UTRN: variants seen among roughly 807,000 people sequenced by gnomAD.
UTRN encodes utrophin.
UTRN carries 283 observed loss-of-function variants against 463.9 expected under a neutral mutation model. That is an observed-to-expected ratio of 0.61 (90% confidence interval 0.55 to 0.67). UTRN has a LOEUF of 0.67. Ranked by LOEUF, UTRN falls within the 30% of genes least tolerant of loss-of-function variation. The probability of loss-of-function intolerance (pLI) is 0.00; values close to 1 mark genes in which losing one functional copy is unlikely to be tolerated. For missense variants in UTRN, 3,922 were observed against 4,084.3 expected (o/e 0.96, Z 1.08); for synonymous variants, 1,442 against 1,431.5 (o/e 1.01, Z -0.17).
At chr6:144,826,059 A>G (rs80255180) in intron 66 of UTRN, among the ~76,000 whole-genome samples, 5,287 of 150,646 alleles carry the variant, frequency 0.035, 141 homozygotes, top group South Asian at 0.076. Flanking sequence ...ATGATGAGTT[A>G]ATGGGTGCAG....
intron 9 of UTRN, among the ~76,000 whole-genome samples, chr6:144,433,472 G>A (rs528523395): frequency 7.3e-4 from 111 of 151,592 alleles, no homozygotes; most frequent in East Asian, 2.4e-3. Flanking sequence ...CAGACGGGGC[G>A]GTTGCCAGGC....
At chr6:144,643,687 C>T (rs1230750259) in intron 51 of UTRN, among the ~76,000 whole-genome samples, 2 of 151,706 alleles carry the variant, frequency 1.3e-5, no homozygotes, top group Admixed American at 1.3e-4. Context: ...ATCCCAGCTA[C>T]TTGAGAGGCT....
At chr6:144,466,271 G>T (rs1789953736) in intron 23 of UTRN, among the ~76,000 whole-genome samples, 1 of 152,222 alleles carries the variant, frequency 6.6e-6, no homozygotes, top group South Asian at 2.1e-4. Context: ...TCATGGCCAT[G>T]TGCTTGCTTT....
rs200552592 is a variant in UTRN, at chr6:144,836,352, G to A, written c.9876G>A (p.Gly3292=). ...EQLKDQHLRR[G]LPVGSPPESI... ...TGAAGGACCAGCACCTCCGAAGGGG[G>A]CTCCCTGTCGGTTCACCGCCAGAGT... is the stretch of plus-strand genomic sequence containing the variant. The change falls in exon 71 of 75, where the codon GGG becomes GGA. Residue 3292 remains glycine, a synonymous_variant. Coordinates refer to ENST00000367545, the MANE Select transcript of UTRN (RefSeq NM_007124.3). The A allele has an allele frequency of 4.3e-6, 7 of 1,613,972 alleles. No individual in the cohort carries two copies. The highest frequency in any genetic ancestry group is 2.7e-5 in the African/African-American group (2 of 74,912).
chr6:144,544,073 G>A (rs1562551303), intron 46 of UTRN, among the ~76,000 whole-genome samples: 1 of 152,134 alleles, frequency 6.6e-6, no homozygotes, highest in Non-Finnish European at 1.5e-5. Flanking sequence ...TATGGTAAAG[G>A]AGCAGGGAAA....
At chr6:144,564,193 A>T (rs796904862) in intron 50 of UTRN, among the ~76,000 whole-genome samples, 3 of 152,296 alleles carry the variant, frequency 2.0e-5, no homozygotes, top group African/African-American at 7.2e-5. Context: ...AAAATAATAC[A>T]TAATTATAGG....
At chr6:144,799,352 C>G (rs1416121643) in intron 64 of UTRN, 1 of 443,430 alleles carries the variant, frequency 2.3e-6, no homozygotes, top group South Asian at 1.7e-5. Flanking sequence ...GCTATGCATT[C>G]TAAGAGGAGG....
intron 24 of UTRN, 65 bp from the exon 25 acceptor site, chr6:144,474,539 C>A (rs908214775): frequency 6.7e-7 from 1 of 1,482,518 alleles, no homozygotes; most frequent in Admixed American, 2.1e-5. Flanking sequence ...GATAAGCAGA[C>A]AAACTATAAT....
chr6:144,340,846 C>T (rs1284067075), intron 2 of UTRN, among the ~76,000 whole-genome samples: 3 of 152,230 alleles, frequency 2.0e-5, no homozygotes, highest in Non-Finnish European at 2.9e-5. Context: ...AAGCGCCCCC[C>T]TATTGATCTT....
At chr6:144,770,533 T>C (rs1219365412) in intron 58 of UTRN, among the ~76,000 whole-genome samples, 1 of 152,208 alleles carries the variant, frequency 6.6e-6, no homozygotes, top group Non-Finnish European at 1.5e-5. Context: ...TTAAATGTTA[T>C]GAATCTACCC....
intron 52 of UTRN, among the ~76,000 whole-genome samples, chr6:144,697,746 A>G (rs941623973): frequency 7.9e-5 from 12 of 152,162 alleles, no homozygotes; most frequent in African/African-American, 2.7e-4. Context: ...TCATCCTCAT[A>G]ATTAATAGAT....
chr6:144,294,783 T>TG (rs113649168), intron 2 of UTRN, among the ~76,000 whole-genome samples: 39,514 of 152,128 alleles, frequency 0.26, 6,922 homozygotes, highest in African/African-American at 0.5. Context: ...TCATGCCATT[T>TG]TGAATATTAT....
chr6:144,626,459 C>T (rs192004324), intron 51 of UTRN, among the ~76,000 whole-genome samples: 49 of 152,308 alleles, frequency 3.2e-4, no homozygotes, highest in East Asian at 7.7e-4. Flanking sequence ...CTTTCCTCCC[C>T]GCCTTTCTGC....
chr6:144,592,577 G>A (rs932546740), intron 51 of UTRN, among the ~76,000 whole-genome samples: 1 of 152,032 alleles, frequency 6.6e-6, no homozygotes, highest in African/African-American at 2.4e-5. Context: ...CACCATGTTG[G>A]CCATGATAGT....
chr6:144,833,551 G>A (rs1251514984), intron 69 of UTRN, among the ~76,000 whole-genome samples: 1 of 152,130 alleles, frequency 6.6e-6, no homozygotes, highest in Non-Finnish European at 1.5e-5. Flanking sequence ...TTTTCATCCT[G>A]AGAAATGAGA....
chr6:144,344,704 T>C (rs975337345), intron 2 of UTRN, among the ~76,000 whole-genome samples: 1 of 152,232 alleles, frequency 6.6e-6, no homozygotes, highest in Non-Finnish European at 1.5e-5. Context: ...CATCCCATAT[T>C]GTATTTGATT....
At chr6:144,434,718 C>G (rs749680296) in intron 9 of UTRN, among the ~76,000 whole-genome samples, 2 of 152,080 alleles carry the variant, frequency 1.3e-5, no homozygotes, top group Non-Finnish European at 2.9e-5. Flanking sequence ...GAGCCTAGAA[C>G]TTAATTTTGA....
chr6:144,332,343 T>C (rs1307119506), intron 2 of UTRN, among the ~76,000 whole-genome samples: 1 of 152,222 alleles, frequency 6.6e-6, no homozygotes, highest in Non-Finnish European at 1.5e-5. Context: ...GTAGGGATGA[T>C]AGATCCTTGT....
chr6:144,738,513 T>TGCAG (rs1789693134), intron 54 of UTRN, among the ~76,000 whole-genome samples: 3 of 152,296 alleles, frequency 2.0e-5, no homozygotes, highest in East Asian at 1.9e-4. Context: ...CACATACAGA[T>TGCAG]GCAGGCAGGC....
Sources: allele counts gnomAD v4.1 joint callset (sites outside exome capture counted in the v4.1 genomes callset), GRCh38; gene constraint gnomAD v4.1.1; transcripts MANE v1.5; gene names NCBI Gene and HGNC (gene_info 2026-07-23, HGNC 2026-07-21).